Variants in NRG1 observed in about 807,000 individuals in gnomAD.
NRG1 encodes neuregulin 1, also known as pro-neuregulin-1, membrane-bound isoform.
NRG1 carries 18 observed loss-of-function variants against 63.8 expected under a neutral mutation model. The ratio of observed to expected loss-of-function variants is 0.28; its 90% confidence interval spans 0.19 to 0.42. The LOEUF is 0.42. NRG1 is among the 10% of genes least tolerant of loss of function. The probability of loss-of-function intolerance (pLI) is 1.00; values close to 1 mark genes in which losing one functional copy is unlikely to be tolerated. For synonymous variants in NRG1, 302 were observed against 301.3 expected (o/e 1.00, Z -0.02); for missense variants, 762 against 814.7 (o/e 0.94, Z 0.79).
At chr8:31,688,253 A>T (rs186506958) in intron 1 of NRG1, among the ~76,000 whole-genome samples, 2 of 152,248 alleles carry the variant, frequency 1.3e-5, no homozygotes, top group East Asian at 3.9e-4. Flanking sequence ...AAGAGGTAGG[A>T]CCTTTGGAAG....
intron 1 of NRG1, among the ~76,000 whole-genome samples, chr8:31,883,148 T>G (rs1830476312): frequency 1.3e-5 from 2 of 152,084 alleles, no homozygotes; most frequent in Admixed American, 6.6e-5. Context: ...CACAGCCATC[T>G]CAGACTTCAG....
intron 1 of NRG1, among the ~76,000 whole-genome samples, chr8:31,773,312 A>G: frequency 6.6e-6 from 1 of 152,170 alleles, no homozygotes; most frequent in South Asian, 2.1e-4. Context: ...AGTCATGATC[A>G]TTTATTCCCA....
rs1834031757 is a variant in NRG1 at position 32,126,049 on chromosome 8, GA to G, written c.38-469778del. On this transcript the variant is annotated intron_variant, in intron 1 of 10. Transcript: ENST00000519301. ...ATTCTTCACATGCATGCCTTCACTG[GA>G]CTGCAGACTCCAAGACAGGGGCCAT... is the stretch of plus-strand genomic sequence containing the variant. 2.6e-5 allele frequency among the ~76,000 whole-genome samples: 4 copies of G among 151,838 alleles called. No homozygotes were observed. In the South Asian group the frequency reaches 6.2e-4, roughly 24 times the overall value.
At chr8:32,728,737 C>A in intron 6 of NRG1, 1 of 836,058 alleles carries the variant, frequency 1.2e-6, no homozygotes, top group Non-Finnish European at 1.4e-6. Flanking sequence ...ACTGTCTTTC[C>A]AATGACCTGA....
At chr8:32,325,392 G>A (rs1475419850) in intron 1 of NRG1, among the ~76,000 whole-genome samples, 1 of 152,104 alleles carries the variant, frequency 6.6e-6, no homozygotes. Flanking sequence ...GTTGTTGTTT[G>A]TTTGTTTTGA....
chr8:31,864,650 T>C (rs192218560), intron 1 of NRG1, among the ~76,000 whole-genome samples: 1 of 152,152 alleles, frequency 6.6e-6, no homozygotes, highest in Non-Finnish European at 1.5e-5. Flanking sequence ...TGAAAGATGG[T>C]CAGGGGCCAG....
Position 31,952,323 on chromosome 8 carries a change from A to G in NRG1, c.37+312892A>G, listed in dbSNP as rs191224637. 7.9e-5 allele frequency among the ~76,000 whole-genome samples: 12 copies of G among 152,354 alleles called. No homozygotes were observed. In the East Asian group the frequency reaches 1.5e-3, roughly 20 times the overall value. On this transcript the variant is annotated intron_variant, in intron 1 of 10. Transcript: ENST00000519301. ...ATCAAATCATAACATAATAATTGATACTGAACAATTGCTATGAGAATTGAA... is the reference window on the plus strand; with the variant it reads ...ATCAAATCATAACATAATAATTGATGCTGAACAATTGCTATGAGAATTGAA...
chr8:32,541,507 GA>G lies in NRG1; in HGVS notation c.38-54308del, dbSNP rs35243395. On this transcript the variant is annotated intron_variant, in intron 1 of 10. Coordinates refer to the NRG1 transcript ENST00000519301. ...CAGGTGTCTCTTATGGAACATACAG[GA>G]AAAAAAAAAAAAGAGTTGACCTATT... 2.1e-3 allele frequency among the ~76,000 whole-genome samples: 298 copies of G among 144,040 alleles called. 2 individuals carry two copies. Among genetic ancestry groups the G allele is most frequent in the African/African-American group, 4.3e-3 (167 of 39,220 alleles). 94.5% of individuals were successfully genotyped at this position (144,040 alleles called of 152,430 possible).
At chr8:32,696,707 G>C (rs758178087) in intron 5 of NRG1, among the ~76,000 whole-genome samples, 1 of 140,020 alleles carries the variant, frequency 7.1e-6, no homozygotes, top group Non-Finnish European at 1.5e-5. Flanking sequence ...TGTTGCCCAG[G>C]CTGGAGTGCA....
intron 1 of NRG1, among the ~76,000 whole-genome samples, chr8:32,281,837 A>T (rs1322326844): frequency 6.6e-6 from 1 of 152,100 alleles, no homozygotes; most frequent in Non-Finnish European, 1.5e-5. Context: ...AATATTTCAG[A>T]TGATAAATTT....
intron 1 of NRG1, among the ~76,000 whole-genome samples, chr8:32,174,120 C>T (rs1840405780): frequency 6.6e-6 from 1 of 152,170 alleles, no homozygotes; most frequent in African/African-American, 2.4e-5. Context: ...TGTAAAAGAA[C>T]AGAAATTATA....
At chr8:32,541,507 G>GAAAAAAAAAAAA (rs35243395) in intron 1 of NRG1, among the ~76,000 whole-genome samples, 1 of 144,098 alleles carries the variant, frequency 6.9e-6, no homozygotes, top group African/African-American at 2.6e-5. Context: ...GAACATACAG[G>GAAAAAAAAAAAA]AAAAAAAAAA....
intron 5 of NRG1, among the ~76,000 whole-genome samples, chr8:32,696,686 A>G (rs1177761933): frequency 7.7e-6 from 1 of 129,136 alleles, no homozygotes; most frequent in Non-Finnish European, 1.6e-5. Context: ...TTTGACACAG[A>G]GTCGTGCTCT....
At chr8:31,810,696 C>T (rs1410444271) in intron 1 of NRG1, among the ~76,000 whole-genome samples, 1 of 152,140 alleles carries the variant, frequency 6.6e-6, no homozygotes, top group East Asian at 1.9e-4. Context: ...TTTTCCCTGC[C>T]CTTTTTCTTA....
At chr8:31,918,819 A>G (rs548619384) in intron 1 of NRG1, among the ~76,000 whole-genome samples, 149 of 130,018 alleles carry the variant, frequency 1.1e-3, no homozygotes, top group Non-Finnish European at 1.9e-3. Context: ...TCGGCTGTGA[A>G]TCCATCTGGT....
intron 1 of NRG1, among the ~76,000 whole-genome samples, chr8:32,163,182 G>T (rs1839028542): frequency 6.6e-6 from 1 of 152,184 alleles, no homozygotes; most frequent in Non-Finnish European, 1.5e-5. Flanking sequence ...CCTCAGCTCT[G>T]GTTTTCCAGC....
chr8:32,003,439 C>T (rs1813264076), intron 1 of NRG1, among the ~76,000 whole-genome samples: 1 of 152,002 alleles, frequency 6.6e-6, no homozygotes, highest in Admixed American at 6.6e-5. Context: ...TGGGCCATAA[C>T]ATTTATCTTA....
chr8:32,664,536 G>T (rs183312178), intron 5 of NRG1, among the ~76,000 whole-genome samples: 1 of 152,052 alleles, frequency 6.6e-6, no homozygotes, highest in African/African-American at 2.4e-5. Flanking sequence ...AGCACGTATT[G>T]TGTGTTCAGT....
chr8:32,635,068 T>A (rs1298457752), intron 5 of NRG1, among the ~76,000 whole-genome samples: 1 of 152,224 alleles, frequency 6.6e-6, no homozygotes, highest in African/African-American at 2.4e-5. Context: ...ACAGTCAGGC[T>A]TCTCTTCCAT....
Sources: allele counts gnomAD v4.1 joint callset (sites outside exome capture counted in the v4.1 genomes callset), GRCh38; gene constraint gnomAD v4.1.1; transcripts MANE v1.5; gene names NCBI Gene and HGNC (gene_info 2026-07-23, HGNC 2026-07-21).